The following POU6F2 variants were observed in gnomAD, a reference collection of about 807,000 sequenced individuals.
POU6F2 encodes the protein POU domain, class 6, transcription factor 2.
In POU6F2, 31 loss-of-function variants were observed where a neutral mutation model predicts 71.3. The observed-to-expected ratio is 0.43, with a 90% CI of 0.33 to 0.59. The LOEUF is 0.59. Ranked by LOEUF, POU6F2 falls within the 20% of genes least tolerant of loss-of-function variation. The pLI, the probability that POU6F2 is intolerant of heterozygous loss-of-function variation, is 0.04. For synonymous variants in POU6F2, 347 were observed against 355.7 expected (o/e 0.98, Z 0.27); for missense variants, 783 against 856.8 (o/e 0.91, Z 1.07).
intron 4 of POU6F2, among the ~76,000 whole-genome samples, chr7:39,208,833 A>C (rs1794077261): frequency 6.6e-6 from 1 of 152,214 alleles, no homozygotes; most frequent in Non-Finnish European, 1.5e-5. Context: ...GCAGGAATAC[A>C]CAAGGTGAAA....
At chr7:39,288,828 C>T (rs941244116) in intron 4 of POU6F2, among the ~76,000 whole-genome samples, 6 of 152,102 alleles carry the variant, frequency 3.9e-5, no homozygotes, top group African/African-American at 4.8e-5. Context: ...CTATGCCAAG[C>T]CCCCATGCAA....
chr7:39,339,082 T>TTAAAA (rs1554344615), intron 4 of POU6F2, among the ~76,000 whole-genome samples: 3 of 143,970 alleles, frequency 2.1e-5, no homozygotes, highest in African/African-American at 7.7e-5. Flanking sequence ...TTTGAATTTT[T>TTAAAA]AAAAAAAAAA....
At position 39,360,460 on chromosome 7, in the gene POU6F2, TAGAA is replaced by T. The variant is rs569309991; in HGVS notation, c.972+20449_972+20452del. On this transcript the variant is annotated intron_variant, in intron 5 of 9. Coordinates refer to ENST00000518318, the MANE Select transcript of POU6F2 (RefSeq NM_001370959.1). ...TAAACTTCAAGCACATGATTTAAAG[TAGAA>T]AGAGTAGAAACCTTGAAGTTACACA... Among the ~76,000 whole-genome samples, 21 of 152,236 alleles carry T rather than the reference TAGAA, an allele frequency of 1.4e-4. No homozygotes were observed. In the East Asian group the frequency reaches 3.9e-3, roughly 28 times the overall value.
chr7:39,017,647 C>T (rs1789588203), intron 1 of POU6F2, among the ~76,000 whole-genome samples: 1 of 152,162 alleles, frequency 6.6e-6, no homozygotes, highest in Non-Finnish European at 1.5e-5. Flanking sequence ...GCCCCCTTAT[C>T]CACCCTGGGG....
chr7:39,185,561 A>G (rs1270800099), intron 2 of POU6F2, among the ~76,000 whole-genome samples: 2 of 152,128 alleles, frequency 1.3e-5, no homozygotes, highest in Non-Finnish European at 2.9e-5. Context: ...TTGATGGGGC[A>G]ACTGGTAGAC....
intron 2 of POU6F2, among the ~76,000 whole-genome samples, chr7:39,147,857 C>G (rs1792654281): frequency 6.6e-6 from 1 of 152,190 alleles, no homozygotes; most frequent in Non-Finnish European, 1.5e-5. Flanking sequence ...AGGAGCCCCA[C>G]ACACCTAGAA....
At chr7:39,176,348 T>C (rs1292028292) in intron 2 of POU6F2, among the ~76,000 whole-genome samples, 1 of 152,214 alleles carries the variant, frequency 6.6e-6, no homozygotes. Flanking sequence ...GAAAAATTGC[T>C]CTGTAAGGAA....
chr7:39,178,306 T>A (rs551944549), intron 2 of POU6F2, among the ~76,000 whole-genome samples: 28 of 152,108 alleles, frequency 1.8e-4, no homozygotes, highest in Non-Finnish European at 3.2e-4. Context: ...CTATTCCCCA[T>A]TTTTATATGC....
At chr7:39,004,704 T>C (rs1329334408) in intron 1 of POU6F2, among the ~76,000 whole-genome samples, 1 of 152,196 alleles carries the variant, frequency 6.6e-6, no homozygotes, top group Admixed American at 6.5e-5. Context: ...ATGATACTTG[T>C]CTGGGACTAA....
chr7:39,304,921 G>A (rs1047598368), intron 4 of POU6F2, among the ~76,000 whole-genome samples: 1 of 152,300 alleles, frequency 6.6e-6, no homozygotes, highest in Admixed American at 6.5e-5. Context: ...TACAGAGCAT[G>A]ATTTAGTTAA....
At position 39,117,278 on chromosome 7, in the gene POU6F2, C is replaced by A. The variant is rs138104350; in HGVS notation, c.277+31247C>A. Among the ~76,000 whole-genome samples, 440 of 152,252 alleles carry A rather than the reference C, an allele frequency of 2.9e-3. 3 individuals carry two copies. Among genetic ancestry groups the A allele is most frequent in the African/African-American group, 0.01 (417 of 41,538 alleles). ...GAGTAAACAACCATGCCTCACAAGG[C>A]AGTACAAACTTGAGTTACAAAATTA... is the stretch of plus-strand genomic sequence containing the variant. On this transcript the variant is annotated intron_variant, in intron 2 of 9. Coordinates refer to ENST00000518318, the MANE Select transcript of POU6F2 (RefSeq NM_001370959.1).
intron 5 of POU6F2, among the ~76,000 whole-genome samples, chr7:39,354,967 C>T (rs1786222997): frequency 6.6e-6 from 1 of 152,198 alleles, no homozygotes; most frequent in Non-Finnish European, 1.5e-5. Flanking sequence ...TTGCCTAAAT[C>T]CCATTTATTC....
Position 39,063,335 on chromosome 7 carries a change from G to A in POU6F2, c.106-22525G>A, listed in dbSNP as rs567368886. Among the ~76,000 whole-genome samples, 4 of 152,222 alleles carry A rather than the reference G, an allele frequency of 2.6e-5. No homozygotes were observed. In the South Asian group the frequency reaches 8.3e-4, roughly 32 times the overall value. On this transcript the variant is annotated intron_variant, in intron 1 of 9. Coordinates refer to ENST00000518318, the MANE Select transcript of POU6F2 (RefSeq NM_001370959.1). ...ATCAGCTTGGGCAACAATTATAGCAGAAAATAGGGCTAAGAGGAAAGACAG... is the reference window on the plus strand; with the variant it reads ...ATCAGCTTGGGCAACAATTATAGCAAAAAATAGGGCTAAGAGGAAAGACAG...
At chr7:39,110,869 C>A (rs1460140879) in intron 2 of POU6F2, among the ~76,000 whole-genome samples, 3 of 152,108 alleles carry the variant, frequency 2.0e-5, no homozygotes, top group Non-Finnish European at 4.4e-5. Context: ...TGACTTCTTG[C>A]TAAATCAGAT....
In POU6F2 at chr7:38,982,284, G is replaced by A. The variant is rs1169819321; in HGVS notation, c.105+4226G>A. On this transcript the variant is annotated intron_variant, in intron 1 of 9. Transcript: ENST00000518318. ...TTGCTTCAACAAATTTATGTATTTT[G>A]GGAGTGTGAAATTATTACTGCTTTA... Among the ~76,000 whole-genome samples the A allele has an allele frequency of 5.3e-5, 8 of 152,196 alleles. No homozygotes were observed. In the East Asian group the frequency reaches 1.5e-3, roughly 29 times the overall value.
intron 1 of POU6F2, among the ~76,000 whole-genome samples, chr7:39,026,989 C>T (rs530107781): frequency 1.2e-4 from 18 of 152,202 alleles, no homozygotes; most frequent in Non-Finnish European, 2.1e-4. Flanking sequence ...AGGCAATTGA[C>T]TGGTTTTCCC....
At chr7:39,221,690 A>C (rs995639469) in intron 4 of POU6F2, among the ~76,000 whole-genome samples, 5 of 152,106 alleles carry the variant, frequency 3.3e-5, no homozygotes, top group African/African-American at 1.2e-4. Context: ...CCTGGCCTAA[A>C]AATGATCTTG....
chr7:39,181,246 T>C (rs1793428493), intron 2 of POU6F2, among the ~76,000 whole-genome samples: 1 of 152,172 alleles, frequency 6.6e-6, no homozygotes, highest in African/African-American at 2.4e-5. Context: ...TCCTCCACTG[T>C]GGTCCTTTGA....
intron 1 of POU6F2, among the ~76,000 whole-genome samples, chr7:39,064,865 C>G (rs574398947): frequency 6.6e-6 from 1 of 151,790 alleles, no homozygotes; most frequent in Admixed American, 6.6e-5. Context: ...TGGGAAGATG[C>G]AATTGACATC....
Sources: gnomAD v4.1 joint callset for allele counts (sites outside exome capture counted in the v4.1 genomes callset) on GRCh38, gnomAD v4.1.1 for gene constraint, MANE v1.5 for transcripts, NCBI Gene and HGNC (gene_info 2026-07-23, HGNC 2026-07-21) for gene names.